KHDRBS2: variants seen among roughly 807,000 people sequenced by gnomAD.
KHDRBS2 encodes KH RNA binding domain containing, signal transduction associated 2, also known as KH domain-containing, RNA-binding, signal transduction-associated protein 2.
Under a neutral mutation model 44.3 loss-of-function variants are expected in KHDRBS2, and 26 were observed. That is an observed-to-expected ratio of 0.59 (90% CI 0.43 to 0.81). KHDRBS2 has a LOEUF of 0.81. Ranked by LOEUF, KHDRBS2 falls within the 40% of genes least tolerant of loss-of-function variation. The pLI is 0.00. For missense variants in KHDRBS2, 476 were observed against 433.1 expected (o/e 1.10, Z -0.88); for synonymous variants, 194 against 151.1 (o/e 1.28, Z -2.08).
chr6:61,683,351 T>C (rs1029638040), intron 8 of KHDRBS2, among the ~76,000 whole-genome samples: 4 of 151,914 alleles, frequency 2.6e-5, no homozygotes, highest in African/African-American at 9.7e-5. Context: ...AGTTAATTGA[T>C]GAGCTAAAAC....
At chr6:61,933,304 C>T (rs1318179469) in intron 4 of KHDRBS2, among the ~76,000 whole-genome samples, 2 of 152,132 alleles carry the variant, frequency 1.3e-5, no homozygotes, top group East Asian at 3.9e-4. Context: ...GAAGTCCCTC[C>T]TCCAACACTG....
At chr6:61,922,573 G>T (rs762581258) in intron 4 of KHDRBS2, among the ~76,000 whole-genome samples, 2 of 151,988 alleles carry the variant, frequency 1.3e-5, no homozygotes, top group Non-Finnish European at 2.9e-5. Context: ...AGACTAGAAG[G>T]AACAGTTCAC....
intron 1 of KHDRBS2, among the ~76,000 whole-genome samples, chr6:62,259,867 T>C (rs1838044545): frequency 6.6e-6 from 1 of 152,052 alleles, no homozygotes. Context: ...AATGTGTTTT[T>C]AACTGTACTC....
At chr6:61,971,896 T>C (rs1018546218) in intron 4 of KHDRBS2, among the ~76,000 whole-genome samples, 1 of 152,210 alleles carries the variant, frequency 6.6e-6, no homozygotes, top group African/African-American at 2.4e-5. Context: ...GAAATAGTTT[T>C]TCTGGTTCTT....
chr6:62,028,149 G>A (rs930429163), intron 3 of KHDRBS2, among the ~76,000 whole-genome samples: 5 of 152,110 alleles, frequency 3.3e-5, no homozygotes, highest in African/African-American at 1.2e-4. Context: ...GCCAGTGTCA[G>A]AGAATCAGCT....
At chr6:62,237,844 G>T (rs759410464) in intron 1 of KHDRBS2, among the ~76,000 whole-genome samples, 1 of 152,160 alleles carries the variant, frequency 6.6e-6, no homozygotes, top group South Asian at 2.1e-4. Flanking sequence ...TTTCAGGCCA[G>T]CTTGGCCAAT....
the KHDRBS2 span, among the ~76,000 whole-genome samples, chr6:61,606,054 C>T: frequency 1.3e-5 from 2 of 152,132 alleles, no homozygotes; most frequent in East Asian, 3.9e-4. Context: ...CAAAAGCTCC[C>T]TGACTGAGCA....
At chr6:62,041,686 G>T (rs1279713817) in intron 3 of KHDRBS2, among the ~76,000 whole-genome samples, 1 of 152,006 alleles carries the variant, frequency 6.6e-6, no homozygotes, top group Admixed American at 6.6e-5. Flanking sequence ...GTGTCATTAG[G>T]TCCCTGAAAG....
the KHDRBS2 span, among the ~76,000 whole-genome samples, chr6:61,597,015 C>T: frequency 6.6e-6 from 1 of 152,090 alleles, no homozygotes; most frequent in Non-Finnish European, 1.5e-5. Context: ...CTCAAAGACA[C>T]AGAGCTTAGA....
intron 6 of KHDRBS2, among the ~76,000 whole-genome samples, chr6:61,862,031 T>C (rs1797063657): frequency 6.6e-6 from 1 of 152,116 alleles, no homozygotes; most frequent in African/African-American, 2.4e-5. Context: ...TGTTGGTGTA[T>C]AGGAATGCTT....
chr6:61,674,684 C>A, the KHDRBS2 span, among the ~76,000 whole-genome samples: 3 of 151,766 alleles, frequency 2.0e-5, no homozygotes, highest in African/African-American at 7.2e-5. Flanking sequence ...TATTTTCAAT[C>A]ATTTACTTAC....
chr6:61,924,584 T>C (rs1334760742), intron 4 of KHDRBS2, among the ~76,000 whole-genome samples: 16 of 151,992 alleles, frequency 1.1e-4, no homozygotes, highest in Admixed American at 1.0e-3. Flanking sequence ...TTATTCATTG[T>C]ATCTTTTACT....
At chr6:61,947,117 A>G (rs1813540345) in intron 4 of KHDRBS2, among the ~76,000 whole-genome samples, 1 of 152,272 alleles carries the variant, frequency 6.6e-6, no homozygotes, top group Middle Eastern at 3.4e-3. Context: ...ACTATATGTC[A>G]ATTTTGTCTT....
intron 7 of KHDRBS2, among the ~76,000 whole-genome samples, chr6:61,707,767 G>C (rs1769828160): frequency 6.6e-6 from 1 of 151,586 alleles, no homozygotes; most frequent in South Asian, 2.1e-4. Context: ...TTAATTTCAA[G>C]GGATGAGAAA....
At chr6:61,767,265 T>A (rs1253520339) in intron 6 of KHDRBS2, among the ~76,000 whole-genome samples, 1 of 152,080 alleles carries the variant, frequency 6.6e-6, no homozygotes, top group African/African-American at 2.4e-5. Context: ...GCTATTAGTA[T>A]AGCTAGCTAC....
chr6:61,893,502 A>G (rs1346354220), intron 6 of KHDRBS2, among the ~76,000 whole-genome samples: 2 of 152,228 alleles, frequency 1.3e-5, no homozygotes, highest in Non-Finnish European at 2.9e-5. Context: ...ACCAACCCAA[A>G]TGTCCAACAA....
At chr6:61,738,320 G>T (rs1775683942) in intron 6 of KHDRBS2, among the ~76,000 whole-genome samples, 2 of 151,900 alleles carry the variant, frequency 1.3e-5, no homozygotes, top group South Asian at 4.1e-4. Flanking sequence ...CCACAAAAAA[G>T]AAAATACTCA....
chr6:61,879,805 A>T (rs1799954322), intron 6 of KHDRBS2, among the ~76,000 whole-genome samples: 1 of 151,846 alleles, frequency 6.6e-6, no homozygotes, highest in Admixed American at 6.6e-5. Flanking sequence ...ACATTAGTCA[A>T]TAATAAGTTC....
intron 7 of KHDRBS2, among the ~76,000 whole-genome samples, chr6:61,715,407 T>C (rs2127552668): frequency 6.6e-6 from 1 of 152,116 alleles, no homozygotes; most frequent in Middle Eastern, 3.4e-3. Context: ...GCTTTCTTGT[T>C]TCCTTCCTAT....
Sources: gnomAD v4.1 joint callset for allele counts (sites outside exome capture counted in the v4.1 genomes callset) on GRCh38, gnomAD v4.1.1 for gene constraint, MANE v1.5 for transcripts, NCBI Gene and HGNC (gene_info 2026-07-23, HGNC 2026-07-21) for gene names.